Variants in ZNF804B observed in about 807,000 individuals in gnomAD.
The protein encoded by ZNF804B is zinc finger 804B.
ZNF804B carries 80 observed loss-of-function variants against 101.4 expected under a neutral mutation model. The observed-to-expected ratio is 0.79, with a 90% CI of 0.66 to 0.95. The LOEUF (loss-of-function observed/expected upper bound fraction) is 0.95, where lower values mean the gene tolerates loss of function less well. Ranked by LOEUF, ZNF804B falls within the 40% of genes least tolerant of loss-of-function variation. The pLI is 0.00. For missense variants in ZNF804B, 1,673 were observed against 1,561.9 expected, an observed-to-expected ratio of 1.07 and a Z score of -1.20; for synonymous variants, 622 against 558.8, an observed-to-expected ratio of 1.11 and a Z score of -1.59.
intron 2 of ZNF804B, among the ~76,000 whole-genome samples, chr7:89,250,921 G>A (rs190923097): frequency 6.6e-6 from 1 of 152,236 alleles, no homozygotes; most frequent in East Asian, 1.9e-4. Context: ...CAAGGAACTA[G>A]GCATCAAAAG....
intron 2 of ZNF804B, among the ~76,000 whole-genome samples, chr7:89,293,189 C>T (rs1037185774): frequency 5.9e-5 from 9 of 151,730 alleles, no homozygotes; most frequent in Non-Finnish European, 1.5e-5. Flanking sequence ...CAGTATTTAG[C>T]CAACATGTTT....
In ZNF804B at chr7:88,822,602, T is replaced by G. The variant is rs1562803598; in HGVS notation, c.108+62518T>G. ...TTGTAAAATTGATTCTCTTGATCAA[T>G]AGTGTAGAGAGAAAAAAAGGTAATG... On this transcript the variant is annotated intron_variant, in intron 1 of 3. Coordinates refer to ENST00000333190, the MANE Select transcript of ZNF804B (RefSeq NM_181646.5). Among the ~76,000 whole-genome samples the G allele has an allele frequency of 2.6e-5, 4 of 152,004 alleles. No individual in the cohort carries two copies. In the South Asian group the frequency reaches 8.3e-4, roughly 32 times the overall value.
chr7:89,133,822 G>C (rs1393863160), intron 1 of ZNF804B, among the ~76,000 whole-genome samples: 1 of 152,062 alleles, frequency 6.6e-6, no homozygotes, highest in Non-Finnish European at 1.5e-5. Flanking sequence ...AATCATAATG[G>C]AGTGGTAATT....
At chr7:89,081,687 T>C (rs1358642424) in intron 1 of ZNF804B, among the ~76,000 whole-genome samples, 1 of 151,780 alleles carries the variant, frequency 6.6e-6, no homozygotes, top group Admixed American at 6.6e-5. Context: ...AAAATGGACT[T>C]TTCTTACACC....
intron 1 of ZNF804B, among the ~76,000 whole-genome samples, chr7:88,971,966 T>C (rs959547020): frequency 4.2e-4 from 64 of 151,402 alleles, no homozygotes; most frequent in Non-Finnish European, 8.4e-4. Context: ...GAGTTGTAGA[T>C]CTAGAGCTGC....
chr7:89,251,661 A>G (rs944285536), intron 2 of ZNF804B, among the ~76,000 whole-genome samples: 1 of 152,170 alleles, frequency 6.6e-6, no homozygotes, highest in Non-Finnish European at 1.5e-5. Context: ...ATAAGGCTAC[A>G]GTAACCAAAA....
chr7:89,025,836 A>C (rs1276080171), intron 1 of ZNF804B, among the ~76,000 whole-genome samples: 1 of 152,136 alleles, frequency 6.6e-6, no homozygotes, highest in Non-Finnish European at 1.5e-5. Context: ...ATGTGTCCAA[A>C]CTATTTTTTA....
intron 2 of ZNF804B, among the ~76,000 whole-genome samples, chr7:89,241,619 C>T (rs1241034702): frequency 3.3e-5 from 5 of 152,036 alleles, no homozygotes; most frequent in Admixed American, 2.0e-4. Context: ...GTACTTTCTC[C>T]CAAATATAAT....
intron 1 of ZNF804B, among the ~76,000 whole-genome samples, chr7:89,184,522 A>G (rs776788452): frequency 7.2e-5 from 11 of 152,160 alleles, no homozygotes; most frequent in Non-Finnish European, 1.6e-4. Context: ...GTTCTTTATC[A>G]GTTTCGTGTT....
intron 1 of ZNF804B, among the ~76,000 whole-genome samples, chr7:89,177,877 G>A (rs1791346104): frequency 6.6e-6 from 1 of 151,796 alleles, no homozygotes. Flanking sequence ...AGAGCTTACA[G>A]TGAGCCGACA....
intron 1 of ZNF804B, among the ~76,000 whole-genome samples, chr7:88,771,147 A>G (rs1409326998): frequency 6.6e-6 from 1 of 152,142 alleles, no homozygotes; most frequent in Non-Finnish European, 1.5e-5. Context: ...CAGAAAAATC[A>G]AATCATTTTA....
intron 2 of ZNF804B, among the ~76,000 whole-genome samples, chr7:89,244,626 T>G (rs1445306858): frequency 6.6e-6 from 1 of 152,148 alleles, no homozygotes; most frequent in Non-Finnish European, 1.5e-5. Flanking sequence ...AAACTTCATC[T>G]TTTAAAAAAC....
intron 1 of ZNF804B, among the ~76,000 whole-genome samples, chr7:89,145,113 A>T (rs1790773311): frequency 6.6e-6 from 1 of 151,940 alleles, no homozygotes; most frequent in South Asian, 2.1e-4. Flanking sequence ...CTCAAATAAA[A>T]TTTAATTTAA....
intron 1 of ZNF804B, among the ~76,000 whole-genome samples, chr7:88,998,164 ACTACATTTTC>A (rs948173583): frequency 6.6e-6 from 1 of 151,992 alleles, no homozygotes; most frequent in Non-Finnish European, 1.5e-5. Flanking sequence ...TTTCTTTAGA[ACTACATTTTC>A]CTCTGGTCCT....
At chr7:88,790,032 T>A (rs750259980) in intron 1 of ZNF804B, among the ~76,000 whole-genome samples, 18 of 152,048 alleles carry the variant, frequency 1.2e-4, no homozygotes, top group Non-Finnish European at 2.2e-4. Context: ...GAAACAAGCA[T>A]AGGATTATCA....
intron 1 of ZNF804B, among the ~76,000 whole-genome samples, chr7:89,195,755 A>G (rs1305890119): frequency 1.3e-5 from 2 of 151,950 alleles, no homozygotes; most frequent in Non-Finnish European, 2.9e-5. Context: ...CTATACACCT[A>G]CAGTAGGCAA....
intron 1 of ZNF804B, among the ~76,000 whole-genome samples, chr7:89,139,689 G>T (rs527746782): frequency 6.6e-6 from 1 of 152,016 alleles, no homozygotes; most frequent in Non-Finnish European, 1.5e-5. Flanking sequence ...TCATGTGATT[G>T]CAGCAATTCA....
rs1426247237 is a variant in ZNF804B, at chr7:89,333,820, G to A, written c.838G>A (p.Glu280Lys). Residue 280 changes from glutamate (E) to lysine (K), a missense_variant, in exon 4 of 4, where the codon GAG becomes AAG. Transcript: ENST00000333190. ...NKDTHLTKEK[E>K]VNISPSHLES... ...AGATACACACCTTACCAAGGAAAAA[G>A]AGGTAAATATCTCACCAAGCCATCT... 7.4e-6 allele frequency: 12 copies of A among 1,612,752 alleles called. No homozygotes were observed. The highest frequency in any genetic ancestry group is 1.0e-5 in the Non-Finnish European group (12 of 1,179,394).
At chr7:88,776,780 A>ACCCCCCCCCC (rs10707553) in intron 1 of ZNF804B, among the ~76,000 whole-genome samples, 25 of 83,490 alleles carry the variant, frequency 3.0e-4, no homozygotes, top group Non-Finnish European at 5.1e-4. Context: ...TAACCCATAA[A>ACCCCCCCCCC]CCCCCCCCCC....
Sources: gnomAD v4.1 joint callset for allele counts (sites outside exome capture counted in the v4.1 genomes callset) on GRCh38, gnomAD v4.1.1 for gene constraint, MANE v1.5 for transcripts, NCBI Gene and HGNC (gene_info 2026-07-23, HGNC 2026-07-21) for gene names.